IP6K2: variants seen among roughly 807,000 people sequenced by gnomAD.
IP6K2 encodes the protein inositol hexakisphosphate kinase 2.
IP6K2 carries 9 observed loss-of-function variants against 43.3 expected under a neutral mutation model. The ratio of observed to expected loss-of-function variants is 0.21; its 90% CI spans 0.13 to 0.36. The LOEUF is 0.36. Among genes scored for constraint, IP6K2 ranks in the 10% least tolerant of loss-of-function variants. The pLI, the probability that IP6K2 is intolerant of heterozygous loss-of-function variation, is 1.00. For missense variants in IP6K2, 332 were observed against 538.4 expected (o/e 0.62, Z 3.79); for synonymous variants, 209 against 202.4 (o/e 1.03, Z -0.28).
chr3:48,710,266 T>C (rs1355812140), intron 1 of IP6K2, among the ~76,000 whole-genome samples: 3 of 152,198 alleles, frequency 2.0e-5, no homozygotes, highest in Non-Finnish European at 4.4e-5. Context: ...GGCATGCGCC[T>C]GTAGTCCTAG....
rs143186281 is a variant in IP6K2, at chr3:48,706,701, G to A, written c.-131+10456C>T. On this transcript the variant is annotated intron_variant, in intron 1 of 5. Transcript: ENST00000328631. The stretch of plus-strand genomic sequence containing the variant: ...CTAAAAATACAAAAACTAGCTGGGC[G>A]TAGTGGCACGGGCCCATAGTCCCAG... 3.2e-3 allele frequency among the ~76,000 whole-genome samples: 490 copies of A among 152,162 alleles called. 2 individuals are homozygous for A. Among genetic ancestry groups the A allele is most frequent in the African/African-American group, 9.8e-3 (408 of 41,522 alleles).
At chr3:48,708,274 A>AT (rs1444574015) in intron 1 of IP6K2, 1 of 152,022 alleles carries the variant, frequency 6.6e-6, no homozygotes, top group Non-Finnish European at 1.5e-5. Flanking sequence ...ACATAAATAA[A>AT]TAATAAAAAA....
chr3:48,714,385 TTGTGTG>T (rs965888621), intron 1 of IP6K2, among the ~76,000 whole-genome samples: 2 of 149,778 alleles, frequency 1.3e-5, no homozygotes, highest in South Asian at 2.2e-4. Context: ...TTCCTTTTTT[TTGTGTG>T]TGTGTGTGTG....
At chr3:48,691,848 CTTTCTTTTT>C (rs2077821813) in intron 3 of IP6K2, among the ~76,000 whole-genome samples, 1 of 151,420 alleles carries the variant, frequency 6.6e-6, no homozygotes, top group African/African-American at 2.4e-5. Flanking sequence ...AATCCAGAAA[CTTTCTTTTT>C]TTTCTTTTTT....
chr3:48,700,898 C>T (rs1191344540), intron 1 of IP6K2, among the ~76,000 whole-genome samples: 1 of 152,168 alleles, frequency 6.6e-6, no homozygotes, highest in African/African-American at 2.4e-5. Flanking sequence ...CCAGAGCCAC[C>T]ACCCAGCATC....
Position 48,695,563 on chromosome 3 carries a change from G to A in IP6K2, c.-130-142C>T. 1.8e-6 allele frequency: 2 copies of A among 1,138,524 alleles called. No homozygotes were observed. The highest frequency in any genetic ancestry group is 8.0e-5 in the South Asian group (2 of 25,050). 70.5% of individuals were successfully genotyped at this position (1,138,524 alleles called of 1,614,324 possible). ...GACTCCGCCCATGCCACCCACCTTG[G>A]CCCCCGCCTTCTCCGGCAGAAAAAC... On this transcript the variant is annotated intron_variant, in intron 1 of 5. Transcript: ENST00000328631. The surrounding 1 kb of genome is among the most constrained non-coding windows in gnomAD (Gnocchi z 4.6).
chr3:48,693,878 G>C (rs2078012781), intron 2 of IP6K2: 1 of 1,206,050 alleles, frequency 8.3e-7, no homozygotes, highest in Admixed American at 4.1e-5. Flanking sequence ...TGGTGGCCTT[G>C]AAAGCAGCTT....
At position 48,688,434 on chromosome 3, in the gene IP6K2, C is replaced by T. The variant is rs200712199; in HGVS notation, c.1120G>A (p.Ala374Thr). Residue 374 changes from alanine to threonine, a missense_variant, in exon 6 of 6, where the codon GCC becomes ACC. By Grantham distance (58) the Ala-to-Thr change is moderately conservative. Coordinates refer to ENST00000328631, the MANE Select transcript of IP6K2 (RefSeq NM_016291.4). The surrounding 1 kb of genome is among the most constrained non-coding windows in gnomAD (Gnocchi z 5.1). ...AGAYAYKPIG[A>T]SSVDVRMIDF... ...ATCATGCGCACATCTACAGAGCTGG[C>T]GCCGATGGGTTTGTAGGCATAGGCA... 2.9e-4 allele frequency: 462 copies of T among 1,614,186 alleles called. No individual in the cohort carries two copies. The highest frequency in any genetic ancestry group is 3.5e-4 in the South Asian group (32 of 91,080).
At position 48,695,333 on chromosome 3, in the gene IP6K2, G is replaced by T; in HGVS notation, c.-42C>A. 6.3e-7 allele frequency: 1 copy of T among 1,585,262 alleles called. No individual in the cohort carries two copies. The highest frequency in any genetic ancestry group is 8.6e-7 in the Non-Finnish European group (1 of 1,165,074). ...GCGGGGAGATGGGGGAGGCAGCGGA[G>T]TCCAGCGGCCAGTACGTCTTCTGTC... On this transcript the variant is annotated 5_prime_UTR_variant, in exon 2 of 6. Coordinates refer to ENST00000328631, the MANE Select transcript of IP6K2 (RefSeq NM_016291.4). This position sits in a 1 kb window ranked among gnomAD's most constrained non-coding sequence, Gnocchi z 4.6.
At chr3:48,689,737 C>A (rs771752476) in intron 4 of IP6K2, 24 bp from the exon 5 acceptor site, 8 of 1,607,022 alleles carry the variant, frequency 5.0e-6, no homozygotes, top group Non-Finnish European at 6.8e-6. Flanking sequence ...AATAATACCC[C>A]CAAAAGGAAG....
chr3:48,709,216 T>C (rs2107022894), intron 1 of IP6K2, among the ~76,000 whole-genome samples: 1 of 152,280 alleles, frequency 6.6e-6, no homozygotes, highest in Admixed American at 6.5e-5. Flanking sequence ...ATGCCAACAG[T>C]GATTCAGTCC....
At chr3:48,698,286 C>CT (rs2078632350) in intron 1 of IP6K2, among the ~76,000 whole-genome samples, 1 of 152,150 alleles carries the variant, frequency 6.6e-6, no homozygotes, top group Non-Finnish European at 1.5e-5. Context: ...AGTACTAAAG[C>CT]ACATGTCAGG....
Position 48,695,179 on chromosome 3 carries a change from G to A in IP6K2, c.113C>T (p.Thr38Ile). 1 of 1,600,464 alleles carries A rather than the reference G, an allele frequency of 6.2e-7. No homozygotes were observed. Among genetic ancestry groups the A allele is most frequent in the South Asian group, 1.1e-5 (1 of 90,034 alleles). The change falls in exon 2 of 6, where the codon ACA becomes ATA. Residue 38 changes from threonine (T) to isoleucine (I), a missense_variant. Thr to Ile is a moderately conservative substitution (Grantham distance 89). Coordinates refer to ENST00000328631, the MANE Select transcript of IP6K2 (RefSeq NM_016291.4). The surrounding 1 kb of genome is among the most constrained non-coding windows in gnomAD (Gnocchi z 4.6). ...GHSCVLRFNETTLCKPLVPRE... is the reference protein window; with the variant it reads ...GHSCVLRFNEITLCKPLVPRE... ...TGGGACCAGGGGCTTGCACAGGGTT[G>A]TCTCATTGAAGCGGAGCACGCATGA...
At chr3:48,701,136 G>A (rs1393772101) in intron 1 of IP6K2, among the ~76,000 whole-genome samples, 3 of 152,208 alleles carry the variant, frequency 2.0e-5, no homozygotes, top group Non-Finnish European at 2.9e-5. Flanking sequence ...TTGGGAGGCC[G>A]AGGCGGGTGG....
intron 1 of IP6K2, chr3:48,708,110 T>G (rs1225534600): frequency 6.6e-6 from 1 of 151,534 alleles, no homozygotes; most frequent in Non-Finnish European, 1.5e-5. Flanking sequence ...CCAGGTGCAA[T>G]GGCGCATACC....
chr3:48,712,670 C>G (rs747762490), intron 1 of IP6K2, among the ~76,000 whole-genome samples: 1 of 152,196 alleles, frequency 6.6e-6, no homozygotes, highest in African/African-American at 2.4e-5. Context: ...GAGCTATGAT[C>G]GCTGCACTGC....
chr3:48,689,367 G>A (rs1001932485), intron 5 of IP6K2, among the ~76,000 whole-genome samples, 171 bp downstream of exon 5: 3 of 152,136 alleles, frequency 2.0e-5, no homozygotes, highest in African/African-American at 7.2e-5. Context: ...TGCCTGGGCT[G>A]GTCTCTAACT....
At position 48,691,244 on chromosome 3, in the gene IP6K2, G is replaced by A. The variant is rs537219493; in HGVS notation, c.604+63C>T. The A allele has an allele frequency of 2.2e-4, 296 of 1,373,988 alleles. No homozygotes were observed. The African/African-American group carries it at 3.7e-3, about 17-fold the overall frequency. 85.1% of individuals were successfully genotyped at this position (1,373,988 alleles called of 1,614,324 possible). On this transcript the variant is annotated intron_variant, in intron 4 of 5. Coordinates refer to ENST00000328631, the MANE Select transcript of IP6K2 (RefSeq NM_016291.4). The stretch of plus-strand genomic sequence containing the variant: ...CCTAACTTCTCTCTCCAAGCTCCAA[G>A]GGACTTCCTCATTTCCTCTCCTCTT...
rs1187621685 is a variant in IP6K2 at position 48,699,901 on chromosome 3, A to G, written c.-130-4480T>C. 5 of 152,150 alleles carry G rather than the reference A, an allele frequency of 3.3e-5. No homozygotes were observed. The East Asian group carries it at 9.6e-4, about 29-fold the overall frequency. The allele number at this position is 152,150 out of a possible 1,614,324, so 9.4% of individuals were successfully genotyped here. A position where few individuals can be genotyped will look rare whatever the true frequency, so the allele number is the denominator to read the frequency against. ...TAAAAAAATTAAACAGAATACAACA[A>G]AATATGGCTGGGTACAGTGGCTCAC... On this transcript the variant is annotated intron_variant, in intron 1 of 5. Coordinates refer to ENST00000328631, the MANE Select transcript of IP6K2 (RefSeq NM_016291.4).
Sources: allele counts gnomAD v4.1 joint callset (sites outside exome capture counted in the v4.1 genomes callset), GRCh38; gene constraint gnomAD v4.1.1; non-coding constraint Gnocchi (gnomAD v3.1); transcripts MANE v1.5; gene names NCBI Gene and HGNC (gene_info 2026-07-23, HGNC 2026-07-21).